The following OR14I1 variants were observed in gnomAD, a reference collection of about 807,000 sequenced individuals.
The protein encoded by OR14I1 is olfactory receptor 14I1.
For missense variants in OR14I1, 279 were observed against 181.8 expected, an observed-to-expected ratio of 1.53 and a Z score of -3.07; for synonymous variants, 118 against 71.1, an observed-to-expected ratio of 1.66 and a Z score of -3.32.
the OR14I1 span, among the ~76,000 whole-genome samples, chr1:248,689,246 G>A: frequency 9.9e-5 from 15 of 152,082 alleles, no homozygotes; most frequent in South Asian, 4.1e-4. Context: ...CTTTGGTCAG[G>A]TTCACTCATT....
the OR14I1 span, among the ~76,000 whole-genome samples, chr1:248,689,640 C>T: frequency 6.6e-6 from 1 of 152,096 alleles, no homozygotes; most frequent in African/African-American, 2.4e-5. Context: ...ACTTCTAACA[C>T]CAAATAGTTA....
chr1:248,696,311 T>C, the OR14I1 span, among the ~76,000 whole-genome samples: 1 of 152,188 alleles, frequency 6.6e-6, no homozygotes, highest in African/African-American at 2.4e-5. Context: ...TTTTACTCCT[T>C]TTTTCCCCTT....
the OR14I1 span, among the ~76,000 whole-genome samples, chr1:248,693,704 T>G: frequency 9.1e-4 from 138 of 151,976 alleles, no homozygotes; most frequent in African/African-American, 3.3e-3. Flanking sequence ...ATCCTCTGTC[T>G]TCTCCACTCT....
chr1:248,690,261 A>C, the OR14I1 span, among the ~76,000 whole-genome samples: 1 of 152,292 alleles, frequency 6.6e-6, no homozygotes, highest in South Asian at 2.1e-4. Flanking sequence ...GAAACAAAGA[A>C]GCCTTCAAAA....
At chr1:248,697,542 T>A in the OR14I1 span, among the ~76,000 whole-genome samples, 1 of 150,540 alleles carries the variant, frequency 6.6e-6, no homozygotes, top group African/African-American at 2.4e-5. Context: ...CCCAGCACTT[T>A]GGGAGGCTGA....
chr1:248,692,587 C>T, the OR14I1 span: 1 of 152,594 alleles, frequency 6.6e-6, no homozygotes, highest in African/African-American at 2.4e-5. Context: ...CTCCAATCAC[C>T]TTTCTTTGTT....
exon 1 of OR14I1, chr1:248,682,143 G>C: frequency 1.3e-6 from 1 of 781,080 alleles, no homozygotes; most frequent in Non-Finnish European, 2.4e-6. Context: ...ACATGGGTGT[G>C]TGAAGATGCT....
the OR14I1 span, among the ~76,000 whole-genome samples, chr1:248,693,736 A>G: frequency 6.6e-6 from 1 of 151,328 alleles, no homozygotes; most frequent in Admixed American, 6.6e-5. Flanking sequence ...TCTCCTCTAG[A>G]GCCCAAACCC....
At chr1:248,700,319 A>G in the OR14I1 span, among the ~76,000 whole-genome samples, 2 of 152,268 alleles carry the variant, frequency 1.3e-5, no homozygotes, top group Non-Finnish European at 2.9e-5. Context: ...ATTAAAGCCA[A>G]CCAACTATAG....
downstream of OR14I1, among the ~76,000 whole-genome samples, chr1:248,680,878 C>T (rs1334097358): frequency 6.6e-6 from 1 of 151,914 alleles, no homozygotes; most frequent in Admixed American, 6.6e-5. Context: ...TTGGCAAAAT[C>T]TAAAACATAC....
At chr1:248,679,539 G>A (rs1045587377), downstream of OR14I1, among the ~76,000 whole-genome samples, 1 of 152,000 alleles carries the variant, frequency 6.6e-6, no homozygotes, top group African/African-American at 2.4e-5. Context: ...TTTCTTAGAA[G>A]CCCTGTTGCC....
upstream of OR14I1, chr1:248,682,426 C>T: frequency 1.7e-6 from 1 of 596,392 alleles, no homozygotes; most frequent in Non-Finnish European, 3.0e-6. Flanking sequence ...ATCCACTGGA[C>T]ATCTTCCACA....
chr1:248,692,671 C>A, the OR14I1 span: 12 of 152,216 alleles, frequency 7.9e-5, no homozygotes, highest in African/African-American at 2.9e-4. Context: ...TTACAGTCTA[C>A]AGAACAGTGC....
downstream of OR14I1, among the ~76,000 whole-genome samples, chr1:248,679,183 ACT>A (rs1661520505): frequency 6.6e-6 from 1 of 152,140 alleles, no homozygotes; most frequent in African/African-American, 2.4e-5. Context: ...CATAAGTGAA[ACT>A]CTGTATAAAA....
chr1:248,693,569 T>A, the OR14I1 span, among the ~76,000 whole-genome samples: 1 of 152,340 alleles, frequency 6.6e-6, no homozygotes, highest in East Asian at 1.9e-4. Context: ...TCTTCTCTTC[T>A]GCTTTCCACA....
At chr1:248,679,062 T>C (rs752445071), downstream of OR14I1, among the ~76,000 whole-genome samples, 1 of 152,228 alleles carries the variant, frequency 6.6e-6, no homozygotes, top group Non-Finnish European at 1.5e-5. Context: ...AACTACTTCA[T>C]GTAGGTGAGC....
At chr1:248,691,603 T>A in the OR14I1 span, among the ~76,000 whole-genome samples, 1 of 152,244 alleles carries the variant, frequency 6.6e-6, no homozygotes, top group East Asian at 1.9e-4. Context: ...ACTGTGGAAC[T>A]AGCCCACCAG....
At chr1:248,702,620 C>T in the OR14I1 span, among the ~76,000 whole-genome samples, 1 of 151,998 alleles carries the variant, frequency 6.6e-6, no homozygotes, top group African/African-American at 2.4e-5. Context: ...GCCTTAGTCC[C>T]CTAGAGCCTA....
At chr1:248,693,263 G>A in the OR14I1 span, among the ~76,000 whole-genome samples, 1 of 152,128 alleles carries the variant, frequency 6.6e-6, no homozygotes, top group Non-Finnish European at 1.5e-5. Context: ...CACCTGGGTG[G>A]TGTACTGATT....
Sources: allele counts gnomAD v4.1 joint callset (sites outside exome capture counted in the v4.1 genomes callset), GRCh38; gene constraint gnomAD v4.1.1; transcripts MANE v1.5; gene names NCBI Gene and HGNC (gene_info 2026-07-23, HGNC 2026-07-21).